Variants in TSPAN11 observed in about 807,000 individuals in gnomAD.
TSPAN11 encodes the protein tetraspanin 11, also known as tetraspanin-11.
In TSPAN11, 29 loss-of-function variants were observed where a neutral mutation model predicts 32.9. The observed-to-expected ratio is 0.88, with a 90% CI of 0.66 to 1.20. TSPAN11 has a LOEUF of 1.20. Among genes scored for constraint, TSPAN11 ranks in the 50% most tolerant of loss-of-function variants. TSPAN11 has a pLI of 0.00. For synonymous variants in TSPAN11, 140 were observed against 141.3 expected (o/e 0.99, Z 0.07); for missense variants, 283 against 329.1 (o/e 0.86, Z 1.08).
In TSPAN11 at chr12:30,926,816, C is replaced by G. The variant is rs886419960; in HGVS notation, c.-12+20C>G. 1.6e-5 allele frequency: 10 copies of G among 617,042 alleles called. No individual in the cohort carries two copies. Among genetic ancestry groups the G allele is most frequent in the Non-Finnish European group, 2.1e-5 (9 of 430,992 alleles). The allele number at this position is 617,042 out of a possible 1,614,324, so 38.2% of individuals were successfully genotyped here. A position where few individuals can be genotyped will look rare whatever the true frequency, so the allele number is the denominator to read the frequency against. ...GGCAGGGTAAGTGCAGAAGCGCGCC[C>G]GAGGAGTGGGGGCGCCGCGGGAGGG... On this transcript the variant is annotated intron_variant, in intron 1 of 7. Coordinates refer to ENST00000546076, the MANE Select transcript of TSPAN11 (RefSeq NM_001370302.1).
At chr12:30,947,689 C>T (rs148866020) in intron 1 of TSPAN11, among the ~76,000 whole-genome samples, 402 of 152,256 alleles carry the variant, frequency 2.6e-3, no homozygotes, top group African/African-American at 9.3e-3. Flanking sequence ...GGGGTCCCTC[C>T]CACAACATAT....
rs1217676791 is a variant in TSPAN11, at chr12:30,954,071, T to C, written c.80T>C (p.Phe27Ser). The C allele has an allele frequency of 1.9e-6, 3 of 1,611,850 alleles. No homozygotes were observed. In the Admixed American group the frequency reaches 5.0e-5, roughly 27 times the overall value. The change falls in exon 2 of 8, where the codon TTC becomes TCC. Residue 27 changes from phenylalanine (F) to serine (S), a missense_variant. Phe to Ser is a radical substitution (Grantham distance 155). Transcript: ENST00000546076. ...TTACTCTTTGTCTTCAACTTCTTCT[T>C]CTGGGTGAGTGAATTCTGCACACAC... ...KYLLFVFNFF[F>S]WVGGAAVLAV...
At chr12:30,964,047 TG>T in intron 3 of TSPAN11, 30 bp downstream of exon 3, 1 of 1,602,038 alleles carries the variant, frequency 6.2e-7, no homozygotes. Flanking sequence ...TCTGCAGGGA[TG>T]GGGAGCCCTG....
the TSPAN11 span, among the ~76,000 whole-genome samples, chr12:31,008,879 G>C: frequency 6.6e-6 from 1 of 152,220 alleles, no homozygotes; most frequent in Non-Finnish European, 1.5e-5. Context: ...TTCGACCCAG[G>C]CTTCTAAGAG....
intron 4 of TSPAN11, among the ~76,000 whole-genome samples, chr12:30,979,304 G>A (rs1418240272): frequency 6.6e-6 from 1 of 152,140 alleles, no homozygotes; most frequent in African/African-American, 2.4e-5. Flanking sequence ...CTTTACCTGA[G>A]CCATCTCCCC....
At chr12:30,982,712 G>A in intron 6 of TSPAN11, 22 bp downstream of exon 6, 1 of 1,536,712 alleles carries the variant, frequency 6.5e-7, no homozygotes, top group African/African-American at 1.4e-5. Context: ...AGCTCAAGTT[G>A]GGGGTGAGGA....
chr12:30,957,276 G>C (rs1228471238), intron 2 of TSPAN11, among the ~76,000 whole-genome samples: 1 of 144,498 alleles, frequency 6.9e-6, no homozygotes, highest in Non-Finnish European at 1.5e-5. Flanking sequence ...GTGCTGCCAG[G>C]ATCTGCTGGG....
downstream of TSPAN11, among the ~76,000 whole-genome samples, chr12:30,996,798 C>G (rs1337943998): frequency 6.6e-6 from 1 of 152,192 alleles, no homozygotes; most frequent in Admixed American, 6.5e-5. Context: ...TTTGAACTGA[C>G]TTCTCCTGCT....
At chr12:30,971,949 T>C (rs1938860854) in intron 3 of TSPAN11, among the ~76,000 whole-genome samples, 1 of 152,206 alleles carries the variant, frequency 6.6e-6, no homozygotes, top group African/African-American at 2.4e-5. Flanking sequence ...TTTAAACTGT[T>C]CCATTAAAGA....
chr12:30,992,763 A>G lies in TSPAN11; in HGVS notation c.*848A>G, dbSNP rs913530067. The G allele has an allele frequency of 2.0e-5, 3 of 152,292 alleles. No homozygotes were observed. Among genetic ancestry groups the G allele is most frequent in the African/African-American group, 7.2e-5 (3 of 41,466 alleles). 9.4% of individuals were successfully genotyped at this position (152,292 alleles called of 1,614,324 possible). ...CAGCACCTAATGTTGATGGGTGTCAAACATCTCCTGGAGTGGACCAACTCG... is the reference window on the plus strand; with the variant it reads ...CAGCACCTAATGTTGATGGGTGTCAGACATCTCCTGGAGTGGACCAACTCG... On this transcript the variant is annotated 3_prime_UTR_variant, in exon 8 of 8. Transcript: ENST00000546076.
intron 2 of TSPAN11, among the ~76,000 whole-genome samples, chr12:30,962,932 C>G (rs556979842): frequency 4.6e-5 from 7 of 152,196 alleles, no homozygotes; most frequent in Admixed American, 6.5e-5. Context: ...ACATTATGCC[C>G]TTCTGGGTCC....
chr12:30,956,490 A>G (rs1286772432), intron 2 of TSPAN11, among the ~76,000 whole-genome samples: 2 of 152,172 alleles, frequency 1.3e-5, no homozygotes, highest in African/African-American at 4.8e-5. Flanking sequence ...CACCTGAACG[A>G]GGGCAGACTT....
At chr12:30,964,613 C>T (rs1400345713) in intron 3 of TSPAN11, among the ~76,000 whole-genome samples, 2 of 152,148 alleles carry the variant, frequency 1.3e-5, no homozygotes, top group Non-Finnish European at 2.9e-5. Context: ...CACTTCCTAA[C>T]CCCAGGGTGA....
At chr12:31,013,815 C>T in the TSPAN11 span, among the ~76,000 whole-genome samples, 1 of 152,136 alleles carries the variant, frequency 6.6e-6, no homozygotes, top group Non-Finnish European at 1.5e-5. Context: ...GAATGAAATC[C>T]TTAGACCTGT....
Position 30,966,579 on chromosome 12 carries a change from T to G in TSPAN11, c.276+2562T>G, listed in dbSNP as rs879455615. Among the ~76,000 whole-genome samples, 9 of 152,236 alleles carry G rather than the reference T, an allele frequency of 5.9e-5. No homozygotes were observed. In the East Asian group the frequency reaches 7.7e-4, roughly 13 times the overall value. On this transcript the variant is annotated intron_variant, in intron 3 of 7. Transcript: ENST00000546076. ...ATGTGGAGCAAGTAATGGCTGGAGC[T>G]GGACTGTGCGTTGCTGTCTGTTGGA... is the stretch of plus-strand genomic sequence containing the variant.
intron 3 of TSPAN11, 43 bp downstream of exon 3, chr12:30,964,060 A>AGAG (rs1264024604): frequency 2.5e-6 from 4 of 1,586,912 alleles, no homozygotes; most frequent in South Asian, 2.3e-5. Flanking sequence ...GGAGCCCTGC[A>AGAG]CCACCCAGTC....
rs78183178 is a variant in TSPAN11, at chr12:30,964,611, A to C, written c.276+594A>C. On this transcript the variant is annotated intron_variant, in intron 3 of 7. Coordinates refer to ENST00000546076, the MANE Select transcript of TSPAN11 (RefSeq NM_001370302.1). ...CTCACCTGCACCCTGCCCACTTCCT[A>C]ACCCCAGGGTGATTCTGAAACAGTC... 8.2e-3 allele frequency among the ~76,000 whole-genome samples: 1,250 copies of C among 152,126 alleles called. 19 individuals carry two copies. The highest frequency in any genetic ancestry group is 0.028 in the African/African-American group (1,167 of 41,490).
intron 1 of TSPAN11, among the ~76,000 whole-genome samples, chr12:30,944,852 CCT>C (rs1317273660): frequency 1.2e-4 from 18 of 152,318 alleles, no homozygotes; most frequent in African/African-American, 4.3e-4. Flanking sequence ...GGGGTGCTCC[CCT>C]CTTAGGGAAT....
chr12:30,991,030 A>G (rs1021468262), intron 7 of TSPAN11, among the ~76,000 whole-genome samples: 1 of 152,180 alleles, frequency 6.6e-6, no homozygotes, highest in Non-Finnish European at 1.5e-5. Context: ...GCAAGGAGGG[A>G]GAATAAAGCT....
Sources: gnomAD v4.1 joint callset for allele counts (sites outside exome capture counted in the v4.1 genomes callset) on GRCh38, gnomAD v4.1.1 for gene constraint, MANE v1.5 for transcripts, NCBI Gene and HGNC (gene_info 2026-07-23, HGNC 2026-07-21) for gene names.